The following CDH12 variants were observed in gnomAD, a reference collection of about 807,000 sequenced individuals.
The protein encoded by CDH12 is cadherin-12.
In CDH12, 41 loss-of-function variants were observed where a neutral mutation model predicts 74.1. The ratio of observed to expected loss-of-function variants is 0.55; its 90% CI spans 0.43 to 0.72. CDH12 has a LOEUF of 0.72. CDH12 is among the 30% of genes least tolerant of loss of function. The pLI is 0.00. For missense variants in CDH12, 945 were observed against 977.2 expected, an observed-to-expected ratio of 0.97 and a Z score of 0.44; for synonymous variants, 399 against 355.0, an observed-to-expected ratio of 1.12 and a Z score of -1.39.
intron 3 of CDH12, among the ~76,000 whole-genome samples, chr5:22,340,455 A>T (rs1267926404): frequency 6.6e-6 from 1 of 151,162 alleles, no homozygotes; most frequent in African/African-American, 2.4e-5. Flanking sequence ...TGAACCCAGG[A>T]GCAGAGTTTG....
intron 1 of CDH12, among the ~76,000 whole-genome samples, chr5:22,792,605 C>T (rs551243725): frequency 2.0e-4 from 30 of 152,280 alleles, no homozygotes; most frequent in African/African-American, 7.0e-4. Context: ...AAAGTTACAA[C>T]TCAAAATCCA....
intron 1 of CDH12, among the ~76,000 whole-genome samples, chr5:22,627,625 CA>C (rs1280133960): frequency 6.6e-6 from 1 of 152,092 alleles, no homozygotes; most frequent in Non-Finnish European, 1.5e-5. Context: ...CCAACCACCA[CA>C]AAAACACACT....
intron 6 of CDH12, among the ~76,000 whole-genome samples, chr5:21,958,541 T>C (rs896599086): frequency 2.6e-5 from 4 of 152,200 alleles, no homozygotes; most frequent in Non-Finnish European, 4.4e-5. Flanking sequence ...TACCATTTAT[T>C]GAAAAGACAG....
intron 6 of CDH12, among the ~76,000 whole-genome samples, chr5:21,878,131 A>G (rs1752037923): frequency 6.6e-6 from 1 of 152,238 alleles, no homozygotes; most frequent in South Asian, 2.1e-4. Context: ...ATTCCTAGCT[A>G]ATAGAGAAAA....
intron 2 of CDH12, among the ~76,000 whole-genome samples, chr5:22,424,090 C>T (rs1184191572): frequency 2.1e-5 from 3 of 145,822 alleles, no homozygotes; most frequent in East Asian, 2.0e-4. Context: ...GAGGTATCCA[C>T]GAAAATTTAT....
At chr5:22,786,140 AAG>A (rs1368989748) in intron 1 of CDH12, among the ~76,000 whole-genome samples, 5 of 151,920 alleles carry the variant, frequency 3.3e-5, no homozygotes, top group African/African-American at 1.2e-4. Flanking sequence ...AGCCATAAAA[AAG>A]AATGATATAA....
intron 4 of CDH12, among the ~76,000 whole-genome samples, chr5:22,201,216 C>T (rs1308717423): frequency 6.6e-6 from 1 of 152,102 alleles, no homozygotes; most frequent in East Asian, 1.9e-4. Context: ...GCCATATTCA[C>T]CATATAAAGA....
intron 3 of CDH12, among the ~76,000 whole-genome samples, chr5:22,322,310 A>C (rs574091652): frequency 1.3e-5 from 2 of 152,134 alleles, no homozygotes; most frequent in Non-Finnish European, 2.9e-5. Context: ...GAAGCAGCAG[A>C]AAAGTCATCC....
chr5:22,507,421 AAT>A (rs1233138199), intron 1 of CDH12, among the ~76,000 whole-genome samples: 2 of 152,162 alleles, frequency 1.3e-5, no homozygotes, highest in African/African-American at 4.8e-5. Context: ...TAGTAGTCAG[AAT>A]ATATAAATGT....
At chr5:22,841,853 C>T (rs987360166) in intron 1 of CDH12, among the ~76,000 whole-genome samples, 2 of 152,196 alleles carry the variant, frequency 1.3e-5, no homozygotes, top group South Asian at 4.1e-4. Context: ...TGGAAGAATA[C>T]TTAGGAAGCT....
intron 1 of CDH12, among the ~76,000 whole-genome samples, chr5:22,699,433 G>A (rs1363387844): frequency 2.0e-5 from 3 of 151,180 alleles, no homozygotes; most frequent in Non-Finnish European, 4.4e-5. Context: ...CGAAATATCA[G>A]AAAGGCTTTG....
intron 1 of CDH12, among the ~76,000 whole-genome samples, chr5:22,593,975 T>C (rs769054410): frequency 5.3e-5 from 8 of 152,132 alleles, no homozygotes; most frequent in Non-Finnish European, 1.2e-4. Context: ...TTTGCCTTAT[T>C]AAAGAGATGA....
At chr5:22,275,056 A>T (rs1235987812) in intron 3 of CDH12, among the ~76,000 whole-genome samples, 1 of 152,120 alleles carries the variant, frequency 6.6e-6, no homozygotes, top group African/African-American at 2.4e-5. Flanking sequence ...GAGTTCCAAT[A>T]TGAGGTGGTA....
In CDH12 at chr5:21,854,524, A is replaced by G. The variant is rs558434446; in HGVS notation, c.646+147T>C. On this transcript the variant is annotated intron_variant, in intron 7 of 14. Coordinates refer to ENST00000382254, the MANE Select transcript of CDH12 (RefSeq NM_004061.5). ...AAATGGAGATCGTTCTTCAGCAGCA[A>G]GGAAAGATCCCATCTTCTTTGCTTA... is the stretch of plus-strand genomic sequence containing the variant. 2.7e-4 allele frequency: 137 copies of G among 504,954 alleles called. No homozygotes were observed. The South Asian group carries it at 5.1e-3, about 19-fold the overall frequency. The allele number at this position is 504,954 out of a possible 1,614,324, so 31.3% of individuals were successfully genotyped here.
At chr5:21,945,458 A>AAT (rs1561318976) in intron 6 of CDH12, among the ~76,000 whole-genome samples, 4 of 140,684 alleles carry the variant, frequency 2.8e-5, no homozygotes, top group African/African-American at 8.7e-5. Context: ...AAAAAAAAAA[A>AAT]GAGGTTGGAA....
At chr5:22,442,958 A>C (rs377223236) in intron 2 of CDH12, among the ~76,000 whole-genome samples, 12 of 151,654 alleles carry the variant, frequency 7.9e-5, no homozygotes, top group East Asian at 3.9e-4. Context: ...ATGAGACAAC[A>C]CATTGAATGT....
chr5:21,825,839 C>A (rs1263503009), intron 8 of CDH12, among the ~76,000 whole-genome samples: 3 of 152,170 alleles, frequency 2.0e-5, no homozygotes, highest in Non-Finnish European at 4.4e-5. Context: ...TCCCACCTTG[C>A]AGCTCTCTCC....
chr5:22,751,328 T>C (rs1180791451), intron 1 of CDH12, among the ~76,000 whole-genome samples: 1 of 88,604 alleles, frequency 1.1e-5, no homozygotes, highest in Non-Finnish European at 2.4e-5. Context: ...GTGATATATA[T>C]ATATAATATA....
At chr5:22,413,695 T>C (rs960479904) in intron 2 of CDH12, among the ~76,000 whole-genome samples, 2 of 152,072 alleles carry the variant, frequency 1.3e-5, no homozygotes, top group Non-Finnish European at 2.9e-5. Flanking sequence ...AGCATTTCTT[T>C]ACATTAGCAT....
Sources: allele counts gnomAD v4.1 joint callset (sites outside exome capture counted in the v4.1 genomes callset), GRCh38; gene constraint gnomAD v4.1.1; transcripts MANE v1.5; gene names NCBI Gene and HGNC (gene_info 2026-07-23, HGNC 2026-07-21).